The following ECHDC2 variants were observed in gnomAD, a reference collection of about 807,000 sequenced individuals.
The protein encoded by ECHDC2 is enoyl-CoA hydratase domain-containing protein 2, mitochondrial.
Under a neutral mutation model 40.6 loss-of-function variants are expected in ECHDC2, and 34 were observed. That is an observed-to-expected ratio of 0.84 (90% confidence interval 0.64 to 1.11). ECHDC2 has a LOEUF of 1.11. Ranked by LOEUF, ECHDC2 falls within the 50% of genes most tolerant of loss-of-function variation. The pLI is 0.00. For synonymous variants in ECHDC2, 162 were observed against 166.6 expected (o/e 0.97, Z 0.21); for missense variants, 392 against 400.7 (o/e 0.98, Z 0.19).
chr1:52,901,929 T>C (rs1647017573), intron 7 of ECHDC2: 1 of 152,142 alleles, frequency 6.6e-6, no homozygotes, highest in Admixed American at 6.5e-5. Context: ...AGTTCTGTAT[T>C]AGTTCGGAGA....
At chr1:52,913,595 A>G (rs552242722) in intron 1 of ECHDC2, 1 of 152,378 alleles carries the variant, frequency 6.6e-6, no homozygotes, top group African/African-American at 2.4e-5. Flanking sequence ...TTGTTTATAA[A>G]TAGATGATTT....
intron 9 of ECHDC2, chr1:52,896,909 CT>C (rs1203849876): frequency 3.0e-6 from 1 of 332,972 alleles, no homozygotes; most frequent in East Asian, 5.0e-5. Flanking sequence ...GAAAAAAATT[CT>C]TTGCAGTAAG....
intron 7 of ECHDC2, chr1:52,899,548 G>A: frequency 3.1e-6 from 1 of 321,960 alleles, no homozygotes. Context: ...CTTCTAGGCT[G>A]GTGTCATCAC....
At chr1:52,896,737 A>G (rs1171769349) in intron 9 of ECHDC2, 140 bp from the exon 10 acceptor site, 5 of 693,712 alleles carry the variant, frequency 7.2e-6, no homozygotes, top group Non-Finnish European at 1.2e-5. Flanking sequence ...GAGGCATGCA[A>G]AGGTATAAGC....
intron 1 of ECHDC2, chr1:52,915,050 C>T (rs1650374069): frequency 2.8e-6 from 1 of 358,472 alleles, no homozygotes; most frequent in African/African-American, 2.1e-5. Flanking sequence ...CTGACTCTTG[C>T]ACCCACTCTG....
chr1:52,906,020 G>T (rs1647703163), intron 5 of ECHDC2: 1 of 284,598 alleles, frequency 3.5e-6, no homozygotes, highest in African/African-American at 2.3e-5. Context: ...AGTCACCTGA[G>T]AAAATGATCA....
rs112016278 is a variant in ECHDC2, at chr1:52,912,097, G to C, written c.122-307C>G. 4,513 of 1,286,336 alleles carry C rather than the reference G, an allele frequency of 3.5e-3. 116 individuals carry two copies. The African/African-American group carries it at 0.06, about 17-fold the overall frequency. The allele number at this position is 1,286,336 out of a possible 1,614,324, so 79.7% of individuals were successfully genotyped here. A position where few individuals can be genotyped will look rare whatever the true frequency, so the allele number is the denominator to read the frequency against. On this transcript the variant is annotated intron_variant, in intron 1 of 9. Transcript: ENST00000371522. ...TGCCTGCTTCTGCTGTTGTTAGACA[G>C]ACAGACACACACACACACAAGCACA...
At chr1:52,899,079 GTTT>G in intron 8 of ECHDC2, 92 bp downstream of exon 8, 2 of 1,338,462 alleles carry the variant, frequency 1.5e-6, no homozygotes, top group Non-Finnish European at 2.1e-6. Context: ...CACTTCCTGA[GTTT>G]TTCCCAGCTG....
At chr1:52,905,358 G>T (rs1571940840) in intron 5 of ECHDC2, 1 of 537,404 alleles carries the variant, frequency 1.9e-6, no homozygotes, top group East Asian at 3.0e-5. Context: ...GTGGAAGAAA[G>T]ATGGCTGGCC....
At chr1:52,913,792 C>G in intron 1 of ECHDC2, 1 of 410,372 alleles carries the variant, frequency 2.4e-6, no homozygotes, top group South Asian at 6.0e-5. Flanking sequence ...CTAGTGTACA[C>G]TGGGGTTCGC....
chr1:52,910,575 G>A (rs1649224266), intron 3 of ECHDC2, among the ~76,000 whole-genome samples: 1 of 151,758 alleles, frequency 6.6e-6, no homozygotes, highest in African/African-American at 2.4e-5. Flanking sequence ...CACCATATTG[G>A]TCAGGATGGT....
chr1:52,916,735 C>G (rs1650752484), intron 1 of ECHDC2, among the ~76,000 whole-genome samples: 2 of 152,144 alleles, frequency 1.3e-5, no homozygotes, highest in African/African-American at 2.4e-5. Context: ...CAGTAATCAG[C>G]CAAGGTCCCT....
intron 1 of ECHDC2, chr1:52,913,099 C>T (rs1649926472): frequency 6.6e-6 from 1 of 152,210 alleles, no homozygotes; most frequent in Non-Finnish European, 1.5e-5. Context: ...CCCACATGCT[C>T]CCCACAACTC....
chr1:52,914,087 A>C lies in ECHDC2; in HGVS notation c.122-2297T>G. 1.6e-6 allele frequency: 1 copy of C among 616,524 alleles called. No individual in the cohort carries two copies. Among genetic ancestry groups the C allele is most frequent in the South Asian group, 1.5e-5 (1 of 67,706 alleles). 38.2% of individuals were successfully genotyped at this position (616,524 alleles called of 1,614,324 possible). A position where few individuals can be genotyped will look rare whatever the true frequency, so the allele number is the denominator to read the frequency against. ...CAGACTCAAGGCCTGTCCTCATGGA[A>C]CCTACAGCCTAGTGGGGAAGACAGA... is the stretch of plus-strand genomic sequence containing the variant. On this transcript the variant is annotated intron_variant, in intron 1 of 9. Transcript: ENST00000371522. This position sits in a 1 kb window ranked among gnomAD's most constrained non-coding sequence, Gnocchi z 4.0.
At chr1:52,905,151 G>T in intron 5 of ECHDC2, 61 bp from the exon 6 acceptor site, 1 of 1,571,206 alleles carries the variant, frequency 6.4e-7, no homozygotes, top group East Asian at 2.3e-5. Context: ...TGCTAATCCC[G>T]GGGGCCACAG....
In ECHDC2 at chr1:52,904,825, G is replaced by C; in HGVS notation, c.523C>G (p.Gln175Glu). The change falls in exon 7 of 10, where the codon CAG (glutamine) becomes GAG (glutamate). Residue 175 changes from glutamine to glutamate, a missense_variant. By Grantham distance (29) the Gln-to-Glu change is conservative. Transcript: ENST00000371522. ...RGLLPGAGGT[Q>E]RLPRCLGVAL... ...ACCCCCAGACAACGGGGCAGCCTCT[G>C]AGTCCCTCCTACCAGGATGGAGGGA... 1 of 1,612,082 alleles carries C rather than the reference G, an allele frequency of 6.2e-7. No homozygotes were observed. Among genetic ancestry groups the C allele is most frequent in the Non-Finnish European group, 8.5e-7 (1 of 1,179,204 alleles).
At chr1:52,903,446 TG>T (rs1427607559) in intron 7 of ECHDC2, among the ~76,000 whole-genome samples, 3 of 151,768 alleles carry the variant, frequency 2.0e-5, no homozygotes, top group African/African-American at 7.2e-5. Flanking sequence ...TTTGGCTTTT[TG>T]TTTTTGTTTG....
chr1:52,908,982 C>T (rs868780576), intron 3 of ECHDC2, among the ~76,000 whole-genome samples: 2 of 150,748 alleles, frequency 1.3e-5, no homozygotes, highest in Middle Eastern at 3.2e-3. Flanking sequence ...AGACATTTCT[C>T]CTGAGGAGAT....
At chr1:52,897,009 T>G (rs1038241759) in intron 9 of ECHDC2, 6 of 284,540 alleles carry the variant, frequency 2.1e-5, no homozygotes, top group African/African-American at 1.1e-4. Flanking sequence ...ACGTGGAGAT[T>G]AGCATTTTTT....
Sources: allele counts gnomAD v4.1 joint callset (sites outside exome capture counted in the v4.1 genomes callset), GRCh38; gene constraint gnomAD v4.1.1; non-coding constraint Gnocchi (gnomAD v3.1); transcripts MANE v1.5; gene names NCBI Gene and HGNC (gene_info 2026-07-23, HGNC 2026-07-21).